Variants in TNRC6A observed in about 807,000 individuals in gnomAD.
The protein encoded by TNRC6A is trinucleotide repeat-containing gene 6A protein.
A neutral mutation model predicts 221.2 loss-of-function variants in TNRC6A; 44 were observed. That is an observed-to-expected ratio of 0.20 (90% CI 0.16 to 0.26). The LOEUF (loss-of-function observed/expected upper bound fraction) is 0.26, where lower values mean the gene tolerates loss of function less well. Ranked by LOEUF, TNRC6A falls within the 10% of genes least tolerant of loss-of-function variation. TNRC6A has a pLI of 1.00. For missense variants in TNRC6A, 2,199 were observed against 2,404.4 expected, an observed-to-expected ratio of 0.91 and a Z score of 1.79; for synonymous variants, 847 against 838.5, an observed-to-expected ratio of 1.01 and a Z score of -0.18.
intron 2 of TNRC6A, among the ~76,000 whole-genome samples, chr16:24,724,044 TATATCAGAG>T (rs2056454327): frequency 6.6e-6 from 1 of 152,234 alleles, no homozygotes; most frequent in African/African-American, 2.4e-5. Context: ...ATTTCTCTTT[TATATCAGAG>T]ATGTCAATAT....
At chr16:24,703,987 G>C (rs915179142) in intron 2 of TNRC6A, among the ~76,000 whole-genome samples, 1 of 151,780 alleles carries the variant, frequency 6.6e-6, no homozygotes, top group Non-Finnish European at 1.5e-5. Flanking sequence ...GGGAGGCTGA[G>C]GCAGGAGGAT....
At chr16:24,799,225 A>T (rs2058282642) in intron 11 of TNRC6A, among the ~76,000 whole-genome samples, 1 of 152,200 alleles carries the variant, frequency 6.6e-6, no homozygotes. Flanking sequence ...GAAGGAAAAA[A>T]ACCTATAAAG....
At chr16:24,739,659 A>G (rs1056419280) in intron 2 of TNRC6A, among the ~76,000 whole-genome samples, 1 of 151,782 alleles carries the variant, frequency 6.6e-6, no homozygotes, top group South Asian at 2.1e-4. Context: ...TTGTATTTTT[A>G]ATAGAGACAG....
At chr16:24,697,150 T>A (rs1019616444) in intron 2 of TNRC6A, among the ~76,000 whole-genome samples, 1 of 152,214 alleles carries the variant, frequency 6.6e-6, no homozygotes, top group Non-Finnish European at 1.5e-5. Flanking sequence ...ATTTGATCAT[T>A]GCACATTGTA....
At chr16:24,733,850 C>CGAT (rs1395107375) in intron 2 of TNRC6A, among the ~76,000 whole-genome samples, 1 of 152,066 alleles carries the variant, frequency 6.6e-6, no homozygotes, top group Non-Finnish European at 1.5e-5. Flanking sequence ...AGGCAAGAAG[C>CGAT]GATGGAGGCC....
At chr16:24,615,382 A>G (rs1900289630) in intron 1 of TNRC6A, among the ~76,000 whole-genome samples, 1 of 152,180 alleles carries the variant, frequency 6.6e-6, no homozygotes, top group South Asian at 2.1e-4. Flanking sequence ...AGACAGTGGG[A>G]TATGCTCAAA....
chr16:24,738,514 AC>A (rs1382011230), intron 2 of TNRC6A, among the ~76,000 whole-genome samples: 3 of 152,156 alleles, frequency 2.0e-5, no homozygotes, highest in Non-Finnish European at 4.4e-5. Flanking sequence ...CTATGGACTT[AC>A]CTATTTTCGT....
chr16:24,797,959 T>C lies in TNRC6A; in HGVS notation c.3687T>C (p.Leu1229=). 1 of 1,610,616 alleles carries C rather than the reference T, an allele frequency of 6.2e-7. No individual in the cohort carries two copies. The highest frequency in any genetic ancestry group is 8.5e-7 in the Non-Finnish European group (1 of 1,178,292). The change falls in exon 11 of 25, where the codon CTT becomes CTC. Residue 1229 remains leucine (L), a synonymous_variant. Transcript: ENST00000395799. Reference sequence around the variant, plus strand: ...ATGTACAAAGCAATAAGATGGACCTTTCTGGAGGTAAGAGAAAATTAAATC... The same window carrying C: ...ATGTACAAAGCAATAAGATGGACCTCTCTGGAGGTAAGAGAAAATTAAATC... The part of the protein sequence containing the change: ...EENVQSNKMD[L]SGGMLQDKRM...
intron 2 of TNRC6A, among the ~76,000 whole-genome samples, chr16:24,683,706 C>T (rs1298043163): frequency 2.6e-5 from 4 of 152,214 alleles, no homozygotes; most frequent in Non-Finnish European, 5.9e-5. Flanking sequence ...TGGGCAATTT[C>T]CTTAGCTCTT....
intron 2 of TNRC6A, among the ~76,000 whole-genome samples, chr16:24,732,179 A>G (rs528393386): frequency 2.6e-5 from 4 of 152,316 alleles, no homozygotes; most frequent in Admixed American, 1.3e-4. Context: ...CTTGCAGGTT[A>G]AAAGTGTTCT....
intron 11 of TNRC6A, among the ~76,000 whole-genome samples, chr16:24,801,099 C>T (rs1034604680): frequency 6.6e-6 from 1 of 152,130 alleles, no homozygotes; most frequent in Non-Finnish European, 1.5e-5. Flanking sequence ...CTGAAAACCA[C>T]CTGGTCCAGT....
At chr16:24,734,064 A>G (rs2056707040) in intron 2 of TNRC6A, among the ~76,000 whole-genome samples, 1 of 152,202 alleles carries the variant, frequency 6.6e-6, no homozygotes, top group African/African-American at 2.4e-5. Context: ...AGTCCCAGCT[A>G]CTTGGGAGGC....
chr16:24,689,787 G>C (rs1007844705), intron 2 of TNRC6A, among the ~76,000 whole-genome samples: 4 of 151,922 alleles, frequency 2.6e-5, no homozygotes, highest in Non-Finnish European at 5.9e-5. Flanking sequence ...GGTCTCACTT[G>C]TTGCCTAGGC....
intron 4 of TNRC6A, among the ~76,000 whole-genome samples, chr16:24,765,330 CA>C (rs1314468229): frequency 2.6e-5 from 4 of 152,212 alleles, no homozygotes; most frequent in Non-Finnish European, 5.9e-5. Context: ...CTTGCAGGGC[CA>C]TTAGGGTAAA....
chr16:24,696,220 C>T (rs1426273702), intron 2 of TNRC6A, among the ~76,000 whole-genome samples: 6 of 151,874 alleles, frequency 4.0e-5, no homozygotes, highest in Middle Eastern at 3.4e-3. Flanking sequence ...TGGTGGCGGG[C>T]GCCTGTAGTC....
intron 2 of TNRC6A, among the ~76,000 whole-genome samples, chr16:24,689,989 TAAAAAAAAAAAAAAAAAAAAAAAA>T (rs60944175): frequency 1.0e-5 from 1 of 97,478 alleles, no homozygotes. Flanking sequence ...AGGCTTAAAG[TAAAAAAAAAAAAAAAAAAAAAAAA>T]AAAAAAAAAA....
At chr16:24,696,225 G>C (rs1206740336) in intron 2 of TNRC6A, among the ~76,000 whole-genome samples, 1 of 151,894 alleles carries the variant, frequency 6.6e-6, no homozygotes, top group Non-Finnish European at 1.5e-5. Flanking sequence ...GCGGGCGCCT[G>C]TAGTCCCAGC....
At chr16:24,789,163 C>T in intron 5 of TNRC6A, 69 bp from the exon 6 acceptor site, 3 of 1,432,978 alleles carry the variant, frequency 2.1e-6, no homozygotes, top group South Asian at 2.9e-5. Context: ...CGTCATTTTT[C>T]TTAGATTTTA....
At chr16:24,792,009 T>C (rs561181992) in intron 6 of TNRC6A, among the ~76,000 whole-genome samples, 192 bp downstream of exon 6, 2 of 152,304 alleles carry the variant, frequency 1.3e-5, no homozygotes, top group Admixed American at 6.5e-5. Flanking sequence ...GTTTGAGTCC[T>C]GCACACTTCA....
Sources: gnomAD v4.1 joint callset for allele counts (sites outside exome capture counted in the v4.1 genomes callset) on GRCh38, gnomAD v4.1.1 for gene constraint, MANE v1.5 for transcripts, NCBI Gene and HGNC (gene_info 2026-07-23, HGNC 2026-07-21) for gene names.